Variants in AFF2 observed in about 807,000 individuals in gnomAD.
AFF2 encodes ALF transcription elongation factor 2.
A neutral mutation model predicts 76.9 loss-of-function variants in AFF2; 14 were observed. That is an observed-to-expected ratio of 0.18 (90% CI 0.12 to 0.28). The LOEUF is 0.28. Ranked by LOEUF, AFF2 falls within the 10% of genes least tolerant of loss-of-function variation. AFF2 has a pLI of 1.00. For synonymous variants in AFF2, 398 were observed against 366.7 expected, an observed-to-expected ratio of 1.09 and a Z score of -0.98; for missense variants, 868 against 1,001.1, an observed-to-expected ratio of 0.87 and a Z score of 1.79.
intron 2 of AFF2, among the ~76,000 whole-genome samples, chrX:148,652,737 A>T (rs2054214794): frequency 9.0e-6 from 1 of 111,709 alleles, no homozygotes; most frequent in Non-Finnish European, 1.9e-5. Context: ...TGTAGCTCCA[A>T]TAATCATCAA....
intron 1 of AFF2, among the ~76,000 whole-genome samples, chrX:148,632,891 A>G (rs1428413181): frequency 8.9e-6 from 1 of 112,072 alleles, no homozygotes; most frequent in East Asian, 2.8e-4. Context: ...TGACAGAAAG[A>G]TGGAAACCCA....
At chrX:148,937,874 T>C (rs1569557252) in intron 9 of AFF2, among the ~76,000 whole-genome samples, 1 of 112,372 alleles carries the variant, frequency 8.9e-6, no homozygotes, top group Non-Finnish European at 1.9e-5. Flanking sequence ...TTCATAAAAT[T>C]TGTATGAAAA....
At chrX:148,876,218 T>TA (rs1463300892) in intron 7 of AFF2, among the ~76,000 whole-genome samples, 5 of 111,809 alleles carry the variant, frequency 4.5e-5, no homozygotes, top group African/African-American at 1.6e-4. Context: ...TGAAGTGAGA[T>TA]ATTGCATTTA....
At chrX:148,928,740 C>T (rs782270805) in intron 9 of AFF2, among the ~76,000 whole-genome samples, 2 of 112,231 alleles carry the variant, frequency 1.8e-5, no homozygotes, top group African/African-American at 6.5e-5. Flanking sequence ...GCTCTGCAGA[C>T]CCAGCTAGCT....
At chrX:148,751,120 T>A (rs1317666218) in intron 3 of AFF2, among the ~76,000 whole-genome samples, 2 of 112,344 alleles carry the variant, frequency 1.8e-5, no homozygotes, top group Non-Finnish European at 3.8e-5. Context: ...ATAAAGATAC[T>A]CTGTTTAAAT....
intron 9 of AFF2, among the ~76,000 whole-genome samples, chrX:148,942,947 G>T (rs1557285757): frequency 8.9e-6 from 1 of 111,895 alleles, no homozygotes; most frequent in East Asian, 2.8e-4. Flanking sequence ...TAATTACTAG[G>T]CCTGAAGAAG....
chrX:148,806,172 C>G (rs191886068), intron 3 of AFF2, among the ~76,000 whole-genome samples: 2 of 112,533 alleles, frequency 1.8e-5, no homozygotes, highest in African/African-American at 6.4e-5. Flanking sequence ...AGTAACTCCT[C>G]CAGAATTACT....
rs1179785367 is a variant in AFF2, at chrX:148,872,101, C to CT, written c.1263-13778dup. 9.1e-3 allele frequency among the ~76,000 whole-genome samples: 970 copies of CT among 107,036 alleles called. 6 individuals are homozygous for CT. Among genetic ancestry groups the CT allele is most frequent in the African/African-American group, 0.03 (873 of 29,526 alleles). 92.9% of individuals were successfully genotyped at this position (107,036 alleles called of 115,157 possible). On this transcript the variant is annotated intron_variant, in intron 7 of 20. Transcript: ENST00000370460. ...GTTCTTCTCTTGTCCAGCTGTGAGA[C>CT]TTTTTTTTTTAAAAAAGACGGCTCT...
intron 1 of AFF2, among the ~76,000 whole-genome samples, chrX:148,631,130 GGAT>G (rs1397425790): frequency 2.7e-5 from 3 of 111,597 alleles, no homozygotes; most frequent in African/African-American, 9.8e-5. Context: ...ATGAACAATG[GGAT>G]GATATTTTCC....
At chrX:148,776,091 T>C (rs2069663879) in intron 3 of AFF2, among the ~76,000 whole-genome samples, 1 of 111,106 alleles carries the variant, frequency 9.0e-6, no homozygotes, top group African/African-American at 3.3e-5. Context: ...CTCCCACTTA[T>C]GAGTGAGAAC....
At chrX:148,650,956 C>T (rs1354366527) in intron 1 of AFF2, among the ~76,000 whole-genome samples, 3 of 112,079 alleles carry the variant, frequency 2.7e-5, no homozygotes, top group Non-Finnish European at 3.8e-5. Flanking sequence ...ATTTATCCAA[C>T]ACCTGCTAGG....
chrX:148,780,396 C>T lies in AFF2; in HGVS notation c.1042-29480C>T, dbSNP rs150240340. Reference sequence around the variant, plus strand: ...CTTTCAGGTACATCAATCAAACGTCCGTTTGGTCTTTTCACATAGTTCCAT... The same window carrying T: ...CTTTCAGGTACATCAATCAAACGTCTGTTTGGTCTTTTCACATAGTTCCAT... On this transcript the variant is annotated intron_variant, in intron 3 of 20. Transcript: ENST00000370460. Among the ~76,000 whole-genome samples, 340 of 111,794 alleles carry T rather than the reference C, an allele frequency of 3.0e-3. 1 individual carries two copies. The highest frequency in any genetic ancestry group is 0.01 in the African/African-American group (319 of 30,781).
At chrX:148,579,584 C>T (rs1264688807) in intron 1 of AFF2, among the ~76,000 whole-genome samples, 3 of 112,122 alleles carry the variant, frequency 2.7e-5, no homozygotes, top group African/African-American at 9.7e-5. Flanking sequence ...TATGCCCCAA[C>T]ATAAATGCTG....
chrX:148,581,600 ATACGTGTACACACATATATACG>A (rs2053409445), intron 1 of AFF2, among the ~76,000 whole-genome samples: 1 of 95,173 alleles, frequency 1.1e-5, no homozygotes, highest in Non-Finnish European at 2.1e-5. Context: ...ATATATACGT[ATACGTGTACACACATATATACG>A]TATACGTATA....
chrX:148,826,796 T>A (rs1557272982), intron 4 of AFF2, among the ~76,000 whole-genome samples: 1 of 96,642 alleles, frequency 1.0e-5, no homozygotes. Context: ...AGTCCAGGCA[T>A]TCAGAAATAC....
chrX:148,669,433 T>C (rs1333344113), intron 3 of AFF2, among the ~76,000 whole-genome samples: 1 of 111,952 alleles, frequency 8.9e-6, no homozygotes, highest in African/African-American at 3.3e-5. Context: ...GATAAAGACA[T>C]ATCTGAGACT....
intron 7 of AFF2, among the ~76,000 whole-genome samples, chrX:148,859,461 G>C (rs2070822334): frequency 3.6e-5 from 4 of 110,744 alleles, no homozygotes; most frequent in African/African-American, 1.3e-4. Context: ...ACAATCTAGG[G>C]GAGAGGGTCC....
chrX:148,934,585 A>G (rs782052695), intron 9 of AFF2, among the ~76,000 whole-genome samples: 9 of 112,413 alleles, frequency 8.0e-5, no homozygotes, highest in Non-Finnish European at 1.7e-4. Flanking sequence ...TCAACGTAGC[A>G]TAGTAGTAAA....
chrX:148,551,919 T>C (rs1278518797), intron 1 of AFF2, among the ~76,000 whole-genome samples: 4 of 112,522 alleles, frequency 3.6e-5, no homozygotes, highest in African/African-American at 9.7e-5. Context: ...GTAACTAAAA[T>C]CAGGCACGTG....
Sources: allele counts gnomAD v4.1 joint callset (sites outside exome capture counted in the v4.1 genomes callset), GRCh38; gene constraint gnomAD v4.1.1; transcripts MANE v1.5; gene names NCBI Gene and HGNC (gene_info 2026-07-23, HGNC 2026-07-21).